Variants in N4BP1 observed in about 807,000 individuals in gnomAD.
N4BP1 encodes the protein NEDD4-binding protein 1.
N4BP1 carries 21 observed loss-of-function variants against 70.9 expected under a neutral mutation model. The observed-to-expected ratio is 0.30, with a 90% CI of 0.21 to 0.43. The LOEUF is 0.43. Ranked by LOEUF, N4BP1 falls within the 20% of genes least tolerant of loss-of-function variation. The probability of loss-of-function intolerance (pLI) is 1.00; values close to 1 mark genes in which losing one functional copy is unlikely to be tolerated. For missense variants in N4BP1, 936 were observed against 1,069.4 expected (o/e 0.88, Z 1.74); for synonymous variants, 387 against 394.6 (o/e 0.98, Z 0.23).
rs866568057 is a variant in N4BP1, at chr16:48,543,380, A to G, written c.2334-119T>C. ...TCAGGATGCCGCTCCCTGGCTTCCAAAGGCAGGATGCAAGACTGAGGTGGA... is the reference window on the plus strand; with the variant it reads ...TCAGGATGCCGCTCCCTGGCTTCCAGAGGCAGGATGCAAGACTGAGGTGGA... On this transcript the variant is annotated intron_variant, in intron 6 of 6. Coordinates refer to ENST00000262384, the MANE Select transcript of N4BP1 (RefSeq NM_153029.4). The G allele has an allele frequency of 1.2e-4, 100 of 816,022 alleles. No individual in the cohort carries two copies. The South Asian group carries it at 2.1e-3, about 17-fold the overall frequency. The allele number at this position is 816,022 out of a possible 1,614,324, so 50.5% of individuals were successfully genotyped here.
rs765566430 is a variant in N4BP1, at chr16:48,560,875, C to A, written c.1768G>T (p.Val590Phe). The A allele has an allele frequency of 6.2e-7, 1 of 1,613,942 alleles. No individual in the cohort carries two copies. The highest frequency in any genetic ancestry group is 8.5e-7 in the Non-Finnish European group (1 of 1,179,874). ...TCTCGAAACCTTTGAACCCCAGTAACTGAGGAATCAATATGATCAGAAGGT... is the reference window on the plus strand; with the variant it reads ...TCTCGAAACCTTTGAACCCCAGTAAATGAGGAATCAATATGATCAGAAGGT... ...AGPSDHIDSS[V>F]TGVQRFRDTL... Residue 590 changes from valine to phenylalanine, a missense_variant, in exon 2 of 7, where the codon GTT becomes TTT. Physicochemically the swap from Val to Phe is conservative, Grantham distance 50. Transcript: ENST00000262384.
At chr16:48,604,078 C>A (rs1045156192) in intron 1 of N4BP1, among the ~76,000 whole-genome samples, 1 of 152,226 alleles carries the variant, frequency 6.6e-6, no homozygotes, top group African/African-American at 2.4e-5. Flanking sequence ...TACTATCTAA[C>A]CTTCCTTGGC....
At chr16:48,596,406 C>A (rs990358516) in intron 1 of N4BP1, among the ~76,000 whole-genome samples, 2 of 152,202 alleles carry the variant, frequency 1.3e-5, no homozygotes, top group Non-Finnish European at 2.9e-5. Context: ...ACTCAGACAG[C>A]TGCAAAGCAG....
chr16:48,582,633 C>T (rs997080269), intron 1 of N4BP1, among the ~76,000 whole-genome samples: 6 of 151,998 alleles, frequency 3.9e-5, no homozygotes, highest in Non-Finnish European at 8.8e-5. Context: ...TAGTAATTGT[C>T]GTTAATCCTT....
Position 48,561,518 on chromosome 16 carries a change from A to C in N4BP1, c.1125T>G (p.Thr375=), listed in dbSNP as rs368102859. 6 of 1,613,406 alleles carry C rather than the reference A, an allele frequency of 3.7e-6. No homozygotes were observed. In the African/African-American group the frequency reaches 5.3e-5, roughly 14 times the overall value. The change falls in exon 2 of 7, where the codon ACT becomes ACG. Residue 375 remains threonine (T), a synonymous_variant. Coordinates refer to ENST00000262384, the MANE Select transcript of N4BP1 (RefSeq NM_153029.4). ...EKVIKVYGPS[T]EPLLLLEEIE... is the part of the protein sequence containing the mutation. ...TTTCCTCTAAGAGCAATAATGGTTC[A>C]GTAGATGGTCCATACACCTTAATGA...
At chr16:48,574,034 G>A (rs1964058892) in intron 1 of N4BP1, among the ~76,000 whole-genome samples, 1 of 152,124 alleles carries the variant, frequency 6.6e-6, no homozygotes, top group Admixed American at 6.5e-5. Context: ...TCAAACCCAC[G>A]TTGTTCAAGG....
Position 48,549,374 on chromosome 16 carries a change from G to A in N4BP1, c.2118-1260C>T, listed in dbSNP as rs139635614. 2.3e-3 allele frequency among the ~76,000 whole-genome samples: 349 copies of A among 152,282 alleles called. 2 individuals are homozygous for A. Among genetic ancestry groups the A allele is most frequent in the African/African-American group, 8.1e-3 (336 of 41,570 alleles). On this transcript the variant is annotated intron_variant, in intron 4 of 6. Transcript: ENST00000262384. Reference sequence around the variant, plus strand: ...AACAAAAATAGGCAGTAAGGCTTCTGAGTTCATGTACCATGAATGAGAACA... The same window carrying A: ...AACAAAAATAGGCAGTAAGGCTTCTAAGTTCATGTACCATGAATGAGAACA...
At chr16:48,602,202 C>T (rs538544046) in intron 1 of N4BP1, among the ~76,000 whole-genome samples, 6 of 152,114 alleles carry the variant, frequency 3.9e-5, no homozygotes, top group Non-Finnish European at 4.4e-5. Context: ...CCAGCCTGGG[C>T]GACACAGTGA....
intron 4 of N4BP1, 118 bp downstream of exon 4, chr16:48,551,268 A>C (rs1417539947): frequency 6.1e-6 from 4 of 653,138 alleles, no homozygotes; most frequent in Non-Finnish European, 1.1e-5. Context: ...AATGACCATA[A>C]ATATTAAACC....
At chr16:48,550,789 T>C (rs548060780) in intron 4 of N4BP1, among the ~76,000 whole-genome samples, 81 of 148,608 alleles carry the variant, frequency 5.5e-4, no homozygotes, top group Middle Eastern at 3.6e-3. Flanking sequence ...ATGGTGGTGC[T>C]TGCCTGTAAT....
intron 1 of N4BP1, among the ~76,000 whole-genome samples, chr16:48,565,085 G>A (rs1963920594): frequency 6.6e-6 from 1 of 152,118 alleles, no homozygotes; most frequent in Admixed American, 6.5e-5. Context: ...GTAGTTTCCT[G>A]GGGAATTCCT....
chr16:48,554,889 C>CT (rs1353980029), intron 2 of N4BP1, among the ~76,000 whole-genome samples: 4 of 152,244 alleles, frequency 2.6e-5, no homozygotes, highest in African/African-American at 9.6e-5. Flanking sequence ...TTCAAAGGCA[C>CT]TGTCCTACAC....
chr16:48,602,661 A>C (rs1248427686), intron 1 of N4BP1, among the ~76,000 whole-genome samples: 1 of 152,184 alleles, frequency 6.6e-6, no homozygotes, highest in Non-Finnish European at 1.5e-5. Flanking sequence ...CTTCCTGGTA[A>C]AATCAAAACA....
Position 48,562,231 on chromosome 16 carries a change from C to T in N4BP1, c.412G>A (p.Val138Ile). 6.2e-7 allele frequency: 1 copy of T among 1,613,880 alleles called. No individual in the cohort carries two copies. The highest frequency in any genetic ancestry group is 8.5e-7 in the Non-Finnish European group (1 of 1,179,856). ...TTCTCTTTATTTTCAAAGAGCTTTA[C>T]AAATTGTTGAATGTGACTCCTAGCC... is the stretch of plus-strand genomic sequence containing the variant. ...VMARSHIQQF[V>I]KLFENKENLP... is the part of the protein sequence containing the mutation. Residue 138 changes from valine to isoleucine, a missense_variant, in exon 2 of 7, where the codon GTA becomes ATA. By Grantham distance (29) the Val-to-Ile change is conservative. This residue lies in a region of N4BP1 where 187 missense variants were observed against 217.1 expected (regional missense o/e 0.86). Coordinates refer to ENST00000262384, the MANE Select transcript of N4BP1 (RefSeq NM_153029.4).
chr16:48,608,340 C>T (rs1826413843), intron 1 of N4BP1, among the ~76,000 whole-genome samples: 1 of 152,170 alleles, frequency 6.6e-6, no homozygotes, highest in African/African-American at 2.4e-5. Flanking sequence ...AACTACACAG[C>T]TGAGTGCCCC....
intron 1 of N4BP1, among the ~76,000 whole-genome samples, chr16:48,599,805 T>C (rs969223704): frequency 1.3e-5 from 2 of 152,208 alleles, no homozygotes; most frequent in African/African-American, 4.8e-5. Context: ...TCTGGAAAAC[T>C]GTTACCTCTT....
chr16:48,576,626 A>G (rs771177812), intron 1 of N4BP1, among the ~76,000 whole-genome samples: 1 of 152,208 alleles, frequency 6.6e-6, no homozygotes, highest in Non-Finnish European at 1.5e-5. Context: ...AATAAAAAGT[A>G]TATTTGATCA....
chr16:48,610,071 C>T lies in N4BP1; in HGVS notation c.-99G>A, dbSNP rs1228889609. 1 of 683,918 alleles carries T rather than the reference C, an allele frequency of 1.5e-6. No individual in the cohort carries two copies. Among genetic ancestry groups the T allele is most frequent in the Non-Finnish European group, 1.8e-6 (1 of 549,812 alleles). The allele number at this position is 683,918 out of a possible 1,614,324, so 42.4% of individuals were successfully genotyped here. A position where few individuals can be genotyped will look rare whatever the true frequency, so the allele number is the denominator to read the frequency against. ...CCAAGCCAGTCAGGCGGCGTCGGCC[C>T]TTCCCGGCCGCCTCGCCCCCGCCCG... On this transcript the variant is annotated 5_prime_UTR_variant, in exon 1 of 7. Transcript: ENST00000262384.
At chr16:48,580,250 T>C (rs546365239) in intron 1 of N4BP1, among the ~76,000 whole-genome samples, 2 of 152,098 alleles carry the variant, frequency 1.3e-5, no homozygotes, top group East Asian at 1.9e-4. Flanking sequence ...AAAAAGTAGA[T>C]ATGACAACTG....
Sources: gnomAD v4.1 joint callset for allele counts (sites outside exome capture counted in the v4.1 genomes callset) on GRCh38, gnomAD v4.1.1 for gene constraint, gnomAD v4.1.1 regional missense constraint, MANE v1.5 for transcripts, NCBI Gene and HGNC (gene_info 2026-07-23, HGNC 2026-07-21) for gene names.